Variants in SYNPO2 observed in about 807,000 individuals in gnomAD.
The protein encoded by SYNPO2 is synaptopodin 2.
In SYNPO2, 56 loss-of-function variants were observed where a neutral mutation model predicts 85.0. The observed-to-expected ratio is 0.66, with a 90% confidence interval of 0.53 to 0.82. SYNPO2 has a LOEUF of 0.82. Among genes scored for constraint, SYNPO2 ranks in the 40% least tolerant of loss-of-function variants. SYNPO2 has a pLI of 0.00. For missense variants in SYNPO2, 1,575 were observed against 1,534.2 expected (o/e 1.03, Z -0.44); for synonymous variants, 602 against 591.1 (o/e 1.02, Z -0.27).
In SYNPO2 at chr4:118,987,954, G is replaced by A. The variant is rs531738584; in HGVS notation, c.106-35476G>A. 5.3e-5 allele frequency among the ~76,000 whole-genome samples: 8 copies of A among 152,220 alleles called. No individual in the cohort carries two copies. In the South Asian group the frequency reaches 1.7e-3, roughly 32 times the overall value. On this transcript the variant is annotated intron_variant, in intron 1 of 4. Coordinates refer to ENST00000307142, the MANE Select transcript of SYNPO2 (RefSeq NM_133477.3). The stretch of plus-strand genomic sequence containing the variant: ...ACCATGTGAAGTACTTTAGTTCAGA[G>A]TCTGGCAGGTAATAATTCTCAATAA...
chr4:118,967,312 C>A (rs545803144), intron 1 of SYNPO2, among the ~76,000 whole-genome samples: 1 of 152,250 alleles, frequency 6.6e-6, no homozygotes, highest in South Asian at 2.1e-4. Context: ...TGATTTTCGT[C>A]GAGCCACCTG....
rs142439604 is a variant in SYNPO2, at chr4:119,057,713, G to A, written c.3565G>A (p.Ala1189Thr). ...GTCCTATATTCCTCAAACCCAGAAG[G>A]CCTATATGGGCTCATGTGGAAGGCA... ...RLSYIPQTQK[A>T]YMGSCGRQEY... Residue 1189 changes from alanine to threonine, a missense_variant, in exon 5 of 5, where the codon GCC (alanine) becomes ACC (threonine). Ala to Thr is a moderately conservative substitution (Grantham distance 58). This residue lies in a region of SYNPO2 where 1,508 missense variants were observed against 1,446.8 expected (regional missense o/e 1.04). Coordinates refer to ENST00000307142, the MANE Select transcript of SYNPO2 (RefSeq NM_133477.3). 8.3e-4 allele frequency: 1,344 copies of A among 1,614,110 alleles called. 4 individuals carry two copies. Among genetic ancestry groups the A allele is most frequent in the South Asian group, 2.2e-3 (196 of 91,074 alleles).
intron 1 of SYNPO2, among the ~76,000 whole-genome samples, chr4:118,983,417 C>A (rs571179156): frequency 6.6e-6 from 1 of 152,250 alleles, no homozygotes; most frequent in South Asian, 2.1e-4. Flanking sequence ...ATTATTTTCT[C>A]CGGAAACTAC....
At chr4:118,893,109 T>A (rs1732430631) in intron 1 of SYNPO2, among the ~76,000 whole-genome samples, 1 of 152,192 alleles carries the variant, frequency 6.6e-6, no homozygotes, top group Non-Finnish European at 1.5e-5. Context: ...TGGTAATATC[T>A]TTATTAAAAT....
chr4:118,861,835 G>T (rs571660015), intron 1 of SYNPO2, among the ~76,000 whole-genome samples: 1 of 152,114 alleles, frequency 6.6e-6, no homozygotes, highest in East Asian at 1.9e-4. Flanking sequence ...GGTCTTTTGT[G>T]GTTCCATATA....
At chr4:118,901,792 TG>T (rs770645084) in intron 1 of SYNPO2, among the ~76,000 whole-genome samples, 2 of 152,210 alleles carry the variant, frequency 1.3e-5, no homozygotes, top group Non-Finnish European at 2.9e-5. Flanking sequence ...CAAAGCACTG[TG>T]GGAAGTACAT....
intron 4 of SYNPO2, 105 bp downstream of exon 4, chr4:119,032,132 C>G: frequency 6.6e-7 from 1 of 1,516,622 alleles, no homozygotes; most frequent in African/African-American, 1.4e-5. Context: ...CCTGAGAATG[C>G]CTAGCAAAGT....
At chr4:118,993,969 C>T (rs1323698687) in intron 1 of SYNPO2, among the ~76,000 whole-genome samples, 1 of 152,222 alleles carries the variant, frequency 6.6e-6, no homozygotes, top group South Asian at 2.1e-4. Context: ...GCCGGACCAG[C>T]TGATCGTCAG....
At chr4:118,983,707 T>C (rs1238112209) in intron 1 of SYNPO2, among the ~76,000 whole-genome samples, 1 of 152,214 alleles carries the variant, frequency 6.6e-6, no homozygotes, top group Non-Finnish European at 1.5e-5. Context: ...TGTTCTTTAC[T>C]GAGCTCATAG....
chr4:119,011,267 C>G (rs1415737727), intron 1 of SYNPO2, among the ~76,000 whole-genome samples: 1 of 152,196 alleles, frequency 6.6e-6, no homozygotes, highest in Admixed American at 6.5e-5. Context: ...GGGGTAGTGC[C>G]TCTGCTCCAG....
chr4:118,979,732 C>T (rs1000044333), intron 1 of SYNPO2, among the ~76,000 whole-genome samples: 1 of 152,140 alleles, frequency 6.6e-6, no homozygotes, highest in African/African-American at 2.4e-5. Flanking sequence ...ACAAATTGTA[C>T]CTCAGAAATT....
At chr4:118,862,985 A>AT (rs1731636654) in intron 1 of SYNPO2, among the ~76,000 whole-genome samples, 1 of 151,658 alleles carries the variant, frequency 6.6e-6, no homozygotes, top group Non-Finnish European at 1.5e-5. Context: ...TAATTTTTGT[A>AT]TTTTTTGTAG....
upstream of SYNPO2, among the ~76,000 whole-genome samples, chr4:118,887,125 A>G (rs1444235376): frequency 2.0e-5 from 3 of 151,862 alleles, no homozygotes; most frequent in East Asian, 3.9e-4. Context: ...AGCTGTGCTC[A>G]TGAGATGAAC....
intron 1 of SYNPO2, among the ~76,000 whole-genome samples, chr4:118,866,124 G>T (rs981997726): frequency 1.8e-4 from 27 of 152,152 alleles, no homozygotes; most frequent in Admixed American, 1.8e-3. Context: ...GTGTATGTTT[G>T]TCTCCAGTTT....
At chr4:118,932,827 C>G (rs778914175) in intron 1 of SYNPO2, among the ~76,000 whole-genome samples, 1 of 152,182 alleles carries the variant, frequency 6.6e-6, no homozygotes, top group Admixed American at 6.5e-5. Flanking sequence ...GTGTCCCTTA[C>G]AAATCTTCCA....
chr4:119,008,952 TAGAG>T (rs1374185347), intron 1 of SYNPO2, among the ~76,000 whole-genome samples: 3 of 152,162 alleles, frequency 2.0e-5, no homozygotes, highest in African/African-American at 7.2e-5. Flanking sequence ...TATGTAATAA[TAGAG>T]AGGAAATGGA....
chr4:119,011,351 G>A (rs1737294042), intron 1 of SYNPO2, among the ~76,000 whole-genome samples: 1 of 152,206 alleles, frequency 6.6e-6, no homozygotes, highest in Admixed American at 6.5e-5. Flanking sequence ...TCATTTTTAA[G>A]TTTTACTGAT....
At chr4:118,865,642 G>A (rs149756959) in intron 1 of SYNPO2, among the ~76,000 whole-genome samples, 105 of 152,256 alleles carry the variant, frequency 6.9e-4, no homozygotes, top group Non-Finnish European at 1.3e-3. Flanking sequence ...ACAGATGCTA[G>A]GGTATAATCA....
At chr4:119,034,050 A>G in intron 4 of SYNPO2, 1 of 985,440 alleles carries the variant, frequency 1.0e-6, no homozygotes, top group Non-Finnish European at 1.2e-6. Context: ...TTGGGAAACC[A>G]ATTAAGATTA....
Sources: gnomAD v4.1 joint callset for allele counts (sites outside exome capture counted in the v4.1 genomes callset) on GRCh38, gnomAD v4.1.1 for gene constraint, gnomAD v4.1.1 regional missense constraint, MANE v1.5 for transcripts, NCBI Gene and HGNC (gene_info 2026-07-23, HGNC 2026-07-21) for gene names.